FRK: variants seen among roughly 807,000 people sequenced by gnomAD.
FRK encodes fyn related Src family tyrosine kinase.
A neutral mutation model predicts 56.4 loss-of-function variants in FRK; 51 were observed. The ratio of observed to expected loss-of-function variants is 0.90; its 90% CI spans 0.72 to 1.14. The LOEUF (loss-of-function observed/expected upper bound fraction) is 1.14, where lower values mean the gene tolerates loss of function less well. FRK is among the 50% of genes most tolerant of loss of function. The pLI is 0.00. For missense variants in FRK, 570 were observed against 601.4 expected (o/e 0.95, Z 0.55); for synonymous variants, 245 against 217.9 (o/e 1.12, Z -1.10).
chr6:116,051,046 A>G (rs1777158362), intron 1 of FRK, among the ~76,000 whole-genome samples: 2 of 152,166 alleles, frequency 1.3e-5, no homozygotes, highest in Non-Finnish European at 2.9e-5. Context: ...ATAGCTATCA[A>G]CAATACTGGC....
chr6:116,078,728 C>T, the FRK span, among the ~76,000 whole-genome samples: 13 of 152,180 alleles, frequency 8.5e-5, no homozygotes, highest in African/African-American at 2.9e-4. Context: ...CCTGCAGGAC[C>T]GTCTGGATCA....
chr6:116,076,369 T>C, the FRK span, among the ~76,000 whole-genome samples: 3 of 152,240 alleles, frequency 2.0e-5, no homozygotes, highest in Non-Finnish European at 4.4e-5. Context: ...TCCTTTTCTA[T>C]TGGACCACAC....
chr6:116,067,550 T>C, the FRK span, among the ~76,000 whole-genome samples: 1 of 152,118 alleles, frequency 6.6e-6, no homozygotes, highest in African/African-American at 2.4e-5. Context: ...TAACCTGTTA[T>C]AGGCAATCAA....
intron 2 of FRK, among the ~76,000 whole-genome samples, chr6:115,987,990 A>G (rs557921919): frequency 2.6e-5 from 4 of 152,066 alleles, no homozygotes; most frequent in Non-Finnish European, 5.9e-5. Flanking sequence ...CAGGTGGTAA[A>G]GAGATAGCTC....
Position 115,934,612 on chromosome 6 carries a change from C to T in FRK, c.*7802G>A, listed in dbSNP as rs1192603405. ...TGGAGCCCTCCCTACTTCCTGTCTCCCAGTTAAAAGAGTTTACAAATTTAC... is the reference window on the plus strand; with the variant it reads ...TGGAGCCCTCCCTACTTCCTGTCTCTCAGTTAAAAGAGTTTACAAATTTAC... On this transcript the variant is annotated 3_prime_UTR_variant, in exon 8 of 8. Transcript: ENST00000606080. The T allele has an allele frequency of 6.6e-6, 1 of 152,092 alleles. No homozygotes were observed. Among genetic ancestry groups the T allele is most frequent in the African/African-American group, 2.4e-5 (1 of 41,422 alleles). 9.4% of individuals were successfully genotyped at this position (152,092 alleles called of 1,614,324 possible).
At chr6:115,984,368 C>T (rs1407164256) in intron 2 of FRK, among the ~76,000 whole-genome samples, 1 of 151,996 alleles carries the variant, frequency 6.6e-6, no homozygotes, top group African/African-American at 2.4e-5. Context: ...GGTGCCAAGA[C>T]CTTCACACAC....
the FRK span, among the ~76,000 whole-genome samples, chr6:116,073,660 C>T: frequency 9.2e-5 from 14 of 152,140 alleles, no homozygotes; most frequent in East Asian, 7.7e-4. Flanking sequence ...GAAGCCTCTA[C>T]AGCCCATGAC....
chr6:116,024,797 G>T (rs1365752495), intron 1 of FRK, among the ~76,000 whole-genome samples: 2 of 152,084 alleles, frequency 1.3e-5, no homozygotes, highest in East Asian at 1.9e-4. Context: ...GGGATGGCTG[G>T]GTCAAATGGT....
intron 2 of FRK, among the ~76,000 whole-genome samples, chr6:115,997,897 C>T (rs1190769231): frequency 1.3e-5 from 2 of 152,200 alleles, no homozygotes; most frequent in Non-Finnish European, 2.9e-5. Flanking sequence ...GTGATTTCCT[C>T]TTCTGAGCAA....
chr6:116,076,857 G>A, the FRK span, among the ~76,000 whole-genome samples: 2 of 152,302 alleles, frequency 1.3e-5, no homozygotes, highest in South Asian at 4.1e-4. Context: ...TTTGCTATCA[G>A]TTTGAATCTG....
chr6:115,966,528 C>T (rs935495369), intron 4 of FRK, among the ~76,000 whole-genome samples: 1 of 152,146 alleles, frequency 6.6e-6, no homozygotes, highest in Non-Finnish European at 1.5e-5. Context: ...CATGGTGTTA[C>T]CCTATGCTGC....
the FRK span, among the ~76,000 whole-genome samples, chr6:116,100,367 T>C: frequency 6.6e-6 from 1 of 152,236 alleles, no homozygotes; most frequent in Non-Finnish European, 1.5e-5. Context: ...TAAACCACTA[T>C]CAAAGATCAC....
intron 1 of FRK, among the ~76,000 whole-genome samples, chr6:116,011,902 T>G (rs916684654): frequency 6.6e-6 from 1 of 152,174 alleles, no homozygotes; most frequent in Admixed American, 6.6e-5. Context: ...CACAAAACCT[T>G]CTTCGGCTCA....
chr6:116,012,289 G>A (rs1775502849), intron 1 of FRK, among the ~76,000 whole-genome samples: 1 of 152,068 alleles, frequency 6.6e-6, no homozygotes, highest in African/African-American at 2.4e-5. Context: ...CTATTAACCT[G>A]GAAATTCAGG....
At chr6:115,972,841 C>T (rs570892104) in intron 2 of FRK, among the ~76,000 whole-genome samples, 1 of 152,156 alleles carries the variant, frequency 6.6e-6, no homozygotes, top group Admixed American at 6.5e-5. Flanking sequence ...TTTTACTACT[C>T]ATAAAAGTCA....
At chr6:116,048,591 G>C (rs1044921041) in intron 1 of FRK, among the ~76,000 whole-genome samples, 64 of 152,010 alleles carry the variant, frequency 4.2e-4, no homozygotes, top group African/African-American at 1.5e-3. Flanking sequence ...TCGCCATGTT[G>C]CCCAGGCTGG....
At chr6:116,045,368 A>G (rs1776907477) in intron 1 of FRK, among the ~76,000 whole-genome samples, 1 of 152,232 alleles carries the variant, frequency 6.6e-6, no homozygotes, top group African/African-American at 2.4e-5. Context: ...ACAGCATGGT[A>G]CTGCTACCAA....
chr6:116,002,682 A>G (rs2114692251), intron 2 of FRK: 1 of 455,674 alleles, frequency 2.2e-6, no homozygotes. Context: ...AGCATACTCT[A>G]ACCTCTTATC....
intron 4 of FRK, among the ~76,000 whole-genome samples, chr6:115,958,765 AAG>A (rs1491126417): frequency 5.2e-5 from 2 of 38,472 alleles, no homozygotes; most frequent in Admixed American, 6.5e-4. Context: ...GAAAGAAAGA[AAG>A]AGGGGGGGGA....
Sources: allele counts gnomAD v4.1 joint callset (sites outside exome capture counted in the v4.1 genomes callset), GRCh38; gene constraint gnomAD v4.1.1; transcripts MANE v1.5; gene names NCBI Gene and HGNC (gene_info 2026-07-23, HGNC 2026-07-21).